KCNN2: variants seen among roughly 807,000 people sequenced by gnomAD.
KCNN2 encodes potassium calcium-activated channel subfamily N member 2, also known as small conductance calcium-activated potassium channel protein 2.
Under a neutral mutation model 55.5 loss-of-function variants are expected in KCNN2, and 24 were observed. The ratio of observed to expected loss-of-function variants is 0.43; its 90% CI spans 0.31 to 0.61. The LOEUF (loss-of-function observed/expected upper bound fraction) is 0.61, where lower values mean the gene tolerates loss of function less well. Among genes scored for constraint, KCNN2 ranks in the 20% least tolerant of loss-of-function variants. The probability of loss-of-function intolerance (pLI) is 0.08; values close to 1 mark genes in which losing one functional copy is unlikely to be tolerated. For synonymous variants in KCNN2, 431 were observed against 336.1 expected, an observed-to-expected ratio of 1.28 and a Z score of -3.09; for missense variants, 754 against 853.6, an observed-to-expected ratio of 0.88 and a Z score of 1.45.
At chr5:114,276,720 C>T (rs1338182393) in intron 2 of KCNN2, among the ~76,000 whole-genome samples, 1 of 145,780 alleles carries the variant, frequency 6.9e-6, no homozygotes, top group Non-Finnish European at 1.5e-5. Context: ...TATTTTGAGC[C>T]TATGTGTGTC....
intron 3 of KCNN2, among the ~76,000 whole-genome samples, chr5:114,428,819 T>G (rs1409459314): frequency 6.6e-6 from 1 of 152,120 alleles, no homozygotes; most frequent in Non-Finnish European, 1.5e-5. Context: ...GTTGAATTCA[T>G]AGAGTATGTA....
chr5:114,116,961 A>C (rs1751719481), intron 1 of KCNN2, among the ~76,000 whole-genome samples: 1 of 152,136 alleles, frequency 6.6e-6, no homozygotes, highest in African/African-American at 2.4e-5. Context: ...ACAGTCAGAC[A>C]GGTCTTGTTT....
chr5:114,073,476 G>A (rs1750619735), intron 1 of KCNN2, among the ~76,000 whole-genome samples: 1 of 152,034 alleles, frequency 6.6e-6, no homozygotes, highest in African/African-American at 2.4e-5. Flanking sequence ...GCTTATTGTT[G>A]TAATAATCTT....
chr5:114,090,884 T>A (rs1342155046), intron 1 of KCNN2, among the ~76,000 whole-genome samples: 1 of 152,142 alleles, frequency 6.6e-6, no homozygotes, highest in Non-Finnish European at 1.5e-5. Context: ...GGTCTCACTC[T>A]GTTGCCCAGA....
chr5:114,079,225 T>C (rs1470410880), intron 1 of KCNN2, among the ~76,000 whole-genome samples: 1 of 152,222 alleles, frequency 6.6e-6, no homozygotes, highest in Non-Finnish European at 1.5e-5. Flanking sequence ...CTTTTAATGA[T>C]TTTTGCAATT....
intron 6 of KCNN2, among the ~76,000 whole-genome samples, chr5:114,488,416 A>C (rs992320252): frequency 1.1e-4 from 16 of 152,148 alleles, no homozygotes; most frequent in African/African-American, 3.9e-4. Flanking sequence ...TCCCTTTGTA[A>C]GGAAAACACA....
At chr5:114,142,123 C>A (rs1174553622) in intron 1 of KCNN2, among the ~76,000 whole-genome samples, 1 of 152,170 alleles carries the variant, frequency 6.6e-6, no homozygotes, top group Non-Finnish European at 1.5e-5. Flanking sequence ...CGTGCAGAAG[C>A]TGTTTAGTTT....
rs114229701 is a variant in KCNN2 at position 114,473,678 on chromosome 5, G to T, written c.1890+514G>T. On this transcript the variant is annotated intron_variant, in intron 5 of 7. Coordinates refer to ENST00000673685, the MANE Select transcript of KCNN2 (RefSeq NM_021614.4). ...GATGTTAAAAATAGTATACCATCCA[G>T]TTGGGCAATCGCTGTCCAAATATTA... Among the ~76,000 whole-genome samples, 315 of 152,262 alleles carry T rather than the reference G, an allele frequency of 2.1e-3. 1 individual carries two copies. Among genetic ancestry groups the T allele is most frequent in the African/African-American group, 7.3e-3 (302 of 41,564 alleles).
chr5:114,275,279 A>T (rs938411799), intron 2 of KCNN2, among the ~76,000 whole-genome samples: 4 of 152,248 alleles, frequency 2.6e-5, no homozygotes, highest in African/African-American at 9.6e-5. Flanking sequence ...CATCAGGGAT[A>T]TTGGCCTAAA....
intron 1 of KCNN2, among the ~76,000 whole-genome samples, chr5:114,150,289 C>A (rs919063898): frequency 1.3e-5 from 2 of 152,088 alleles, no homozygotes; most frequent in Admixed American, 6.6e-5. Flanking sequence ...GGTACTGGTA[C>A]CAAAACAGAG....
intron 2 of KCNN2, among the ~76,000 whole-genome samples, chr5:114,277,886 G>A (rs1011934822): frequency 1.3e-5 from 2 of 152,070 alleles, no homozygotes; most frequent in African/African-American, 2.4e-5. Context: ...CCTTGCTGTC[G>A]AGGAGTCGTT....
chr5:114,103,995 G>T (rs902107366), intron 1 of KCNN2, among the ~76,000 whole-genome samples: 10 of 152,136 alleles, frequency 6.6e-5, no homozygotes, highest in Admixed American at 6.5e-4. Flanking sequence ...GTTTCAGAAG[G>T]AATGGTACCA....
At chr5:114,378,791 G>T (rs1758017104) in intron 2 of KCNN2, among the ~76,000 whole-genome samples, 1 of 152,002 alleles carries the variant, frequency 6.6e-6, no homozygotes, top group African/African-American at 2.4e-5. Flanking sequence ...CTGTCGGTGT[G>T]GCTTGCCTCA....
At chr5:114,144,382 A>T (rs1752352839) in intron 1 of KCNN2, among the ~76,000 whole-genome samples, 1 of 152,204 alleles carries the variant, frequency 6.6e-6, no homozygotes, top group African/African-American at 2.4e-5. Flanking sequence ...TATCCACAAA[A>T]TGGGCAGTTT....
At chr5:114,169,987 C>A (rs112490186) in intron 1 of KCNN2, among the ~76,000 whole-genome samples, 4 of 152,166 alleles carry the variant, frequency 2.6e-5, no homozygotes, top group Admixed American at 2.6e-4. Context: ...GTTTGATGCA[C>A]ACCTTCCTGC....
At chr5:114,281,366 G>T (rs898736758) in intron 2 of KCNN2, among the ~76,000 whole-genome samples, 1 of 152,104 alleles carries the variant, frequency 6.6e-6, no homozygotes, top group Admixed American at 6.6e-5. Flanking sequence ...GTCCCTCATG[G>T]AAAGTTACAC....
At position 114,496,455 on chromosome 5, in the gene KCNN2, A is replaced by G. The variant is rs768136316; in HGVS notation, c.*273A>G. 2.9e-6 allele frequency: 1 copy of G among 350,178 alleles called. No individual in the cohort carries two copies. The highest frequency in any genetic ancestry group is 5.1e-6 in the Non-Finnish European group (1 of 194,496). The allele number at this position is 350,178 out of a possible 1,614,324, so 21.7% of individuals were successfully genotyped here. A position where few individuals can be genotyped will look rare whatever the true frequency, so the allele number is the denominator to read the frequency against. On this transcript the variant is annotated 3_prime_UTR_variant, in exon 8 of 8. Transcript: ENST00000673685. Reference sequence around the variant, plus strand: ...TCATGCACTTCAAACAAACTTTACTACTACATTATATGATATATAATAAAA... The same window carrying G: ...TCATGCACTTCAAACAAACTTTACTGCTACATTATATGATATATAATAAAA...
In KCNN2 at chr5:114,255,725, G is replaced by T. The variant is rs1341773027; in HGVS notation, c.-185+34160G>T. On this transcript the variant is annotated intron_variant, in intron 2 of 10. Coordinates refer to the KCNN2 transcript ENST00000512097. ...CAGTTTGGAGTAATTTTCACAGCCA[G>T]ATCAGAGATGATAGAGGCATAAACT... is the stretch of plus-strand genomic sequence containing the variant. 3.3e-5 allele frequency among the ~76,000 whole-genome samples: 5 copies of T among 152,182 alleles called. No homozygotes were observed. In the East Asian group the frequency reaches 9.6e-4, roughly 29 times the overall value.
intron 1 of KCNN2, among the ~76,000 whole-genome samples, chr5:114,173,239 T>A (rs1294338786): frequency 6.6e-6 from 1 of 151,988 alleles, no homozygotes; most frequent in Non-Finnish European, 1.5e-5. Context: ...GAGTTCACGG[T>A]AGGTGTATGA....
Sources: gnomAD v4.1 joint callset for allele counts (sites outside exome capture counted in the v4.1 genomes callset) on GRCh38, gnomAD v4.1.1 for gene constraint, MANE v1.5 for transcripts, NCBI Gene and HGNC (gene_info 2026-07-23, HGNC 2026-07-21) for gene names.